TMEM51: variants seen among roughly 807,000 people sequenced by gnomAD.
TMEM51 encodes the protein chromosome 1 open reading frame 72.
A neutral mutation model predicts 13.6 loss-of-function variants in TMEM51; 8 were observed. The observed-to-expected ratio is 0.59, with a 90% CI of 0.35 to 1.07. TMEM51 has a LOEUF of 1.07. Ranked by LOEUF, TMEM51 falls within the 50% of genes least tolerant of loss-of-function variation. The pLI, the probability that TMEM51 is intolerant of heterozygous loss-of-function variation, is 0.02. For missense variants in TMEM51, 279 were observed against 330.7 expected, an observed-to-expected ratio of 0.84 and a Z score of 1.21; for synonymous variants, 147 against 144.4, an observed-to-expected ratio of 1.02 and a Z score of -0.13.
At chr1:15,196,972 G>A (rs564154007) in intron 1 of TMEM51, among the ~76,000 whole-genome samples, 86 of 152,238 alleles carry the variant, frequency 5.6e-4, no homozygotes, top group African/African-American at 2.1e-3. Flanking sequence ...AGCCCTCCAG[G>A]GTTCTTCAGA....
intron 1 of TMEM51, among the ~76,000 whole-genome samples, chr1:15,166,858 T>C (rs1002203656): frequency 6.6e-6 from 1 of 152,194 alleles, no homozygotes; most frequent in African/African-American, 2.4e-5. Context: ...TGTAGCAAAG[T>C]TCCATCACCC....
At chr1:15,173,676 T>TAA (rs55954313) in intron 1 of TMEM51, among the ~76,000 whole-genome samples, 456 of 145,304 alleles carry the variant, frequency 3.1e-3, no homozygotes, top group Middle Eastern at 0.011. Flanking sequence ...AAACTCCATC[T>TAA]AAAAAAAAAA....
intron 1 of TMEM51, among the ~76,000 whole-genome samples, chr1:15,169,683 C>T (rs1643168494): frequency 6.6e-6 from 1 of 152,138 alleles, no homozygotes; most frequent in Non-Finnish European, 1.5e-5. Flanking sequence ...CCTATGGTTT[C>T]TACAAGGTTA....
rs1304820156 is a variant in TMEM51, at chr1:15,209,349, G to A, written c.-266-1141G>A. ...TGAGCTCAAGCGATCCTCCCACCTT[G>A]GCCTCCCAAAGTGCTGGCATTACAG... On this transcript the variant is annotated intron_variant, in intron 1 of 3. Transcript: ENST00000376008. 2.6e-5 allele frequency among the ~76,000 whole-genome samples: 4 copies of A among 151,840 alleles called. No homozygotes were observed. In the East Asian group the frequency reaches 7.7e-4, roughly 29 times the overall value.
chr1:15,186,766 T>C (rs531412698), intron 1 of TMEM51, among the ~76,000 whole-genome samples: 4 of 152,142 alleles, frequency 2.6e-5, no homozygotes, highest in Non-Finnish European at 5.9e-5. Context: ...ATGGTCACAT[T>C]TGCCTTTTGG....
chr1:15,191,740 G>T, intron 1 of TMEM51: 3 of 258,768 alleles, frequency 1.2e-5, no homozygotes, highest in South Asian at 3.0e-5. Context: ...CTTCTCTGGG[G>T]AGAAATTTTT....
intron 1 of TMEM51, among the ~76,000 whole-genome samples, chr1:15,162,024 CAT>C (rs1413910183): frequency 1.3e-5 from 2 of 149,756 alleles, no homozygotes; most frequent in East Asian, 4.0e-4. Context: ...CAGCAGGCGT[CAT>C]GTGGTGAGAG....
At chr1:15,199,776 C>T (rs1644118597) in intron 1 of TMEM51, among the ~76,000 whole-genome samples, 1 of 152,146 alleles carries the variant, frequency 6.6e-6, no homozygotes, top group Non-Finnish European at 1.5e-5. Context: ...ATAACACGCT[C>T]ACCCCTCAAC....
intron 1 of TMEM51, among the ~76,000 whole-genome samples, chr1:15,209,631 A>G (rs1644304862): frequency 6.6e-6 from 1 of 152,218 alleles, no homozygotes; most frequent in African/African-American, 2.4e-5. Context: ...GTAATACTCC[A>G]CAGAGTGACA....
intron 1 of TMEM51, chr1:15,171,156 G>A: frequency 7.7e-7 from 1 of 1,301,660 alleles, no homozygotes; most frequent in Non-Finnish European, 1.0e-6. Flanking sequence ...GGTCTGAGTG[G>A]GGCCCCAGGA....
intron 1 of TMEM51, among the ~76,000 whole-genome samples, chr1:15,189,177 T>C (rs1643870654): frequency 6.7e-6 from 1 of 149,740 alleles, no homozygotes. Flanking sequence ...GCAACTGGGA[T>C]TACACGCACC....
intron 1 of TMEM51, among the ~76,000 whole-genome samples, chr1:15,163,291 C>T (rs1244850226): frequency 6.6e-6 from 1 of 151,988 alleles, no homozygotes; most frequent in East Asian, 1.9e-4. Flanking sequence ...AAATCTTTGC[C>T]CCTTCCCTAT....
intron 1 of TMEM51, among the ~76,000 whole-genome samples, chr1:15,206,621 G>C (rs1039284572): frequency 6.6e-6 from 1 of 152,222 alleles, no homozygotes; most frequent in African/African-American, 2.4e-5. Context: ...ATCATTCCTT[G>C]AAGGGTGGCC....
intron 1 of TMEM51, among the ~76,000 whole-genome samples, chr1:15,169,235 A>G (rs1270244102): frequency 1.3e-5 from 2 of 152,210 alleles, no homozygotes; most frequent in African/African-American, 2.4e-5. Context: ...GTGAGAAACA[A>G]TAGTACTGGC....
intron 1 of TMEM51, among the ~76,000 whole-genome samples, chr1:15,196,792 GAC>G (rs1260641966): frequency 6.6e-6 from 1 of 152,188 alleles, no homozygotes; most frequent in Non-Finnish European, 1.5e-5. Context: ...AAACAACAGT[GAC>G]AACATAATTT....
chr1:15,188,051 A>T (rs528607942), intron 1 of TMEM51, among the ~76,000 whole-genome samples: 21 of 152,308 alleles, frequency 1.4e-4, no homozygotes, highest in Admixed American at 1.3e-3. Context: ...TATTTCATTT[A>T]AAAAAATTTA....
At position 15,215,302 on chromosome 1, in the gene TMEM51, C is replaced by T; in HGVS notation, c.215C>T (p.Ala72Val). The T allele has an allele frequency of 1.2e-6, 2 of 1,614,178 alleles. No homozygotes were observed. The highest frequency in any genetic ancestry group is 1.7e-6 in the Non-Finnish European group (2 of 1,180,034). The change falls in exon 3 of 4, where the codon GCC (alanine) becomes GTC (valine). Residue 72 changes from alanine to valine, a missense_variant. Coordinates refer to ENST00000376008, the MANE Select transcript of TMEM51 (RefSeq NM_001136218.2). Reference protein sequence around the residue: ...TFSVAYVLVGAGVMLLLLSIC... With the variant: ...TFSVAYVLVGVGVMLLLLSIC... ...TCTGTGGCCTACGTGCTGGTCGGGG[C>T]CGGGGTGATGCTGCTGCTGCTTTCT...
At chr1:15,197,830 C>T (rs996040448) in intron 1 of TMEM51, among the ~76,000 whole-genome samples, 2 of 151,996 alleles carry the variant, frequency 1.3e-5, no homozygotes. Context: ...GTCACCAGGG[C>T]CCTCCAGCTC....
chr1:15,160,712 T>C (rs573475647), intron 1 of TMEM51, among the ~76,000 whole-genome samples: 34 of 152,066 alleles, frequency 2.2e-4, no homozygotes, highest in Non-Finnish European at 4.3e-4. Flanking sequence ...GGGTAATTAT[T>C]GTTTTCAAAC....
Sources: gnomAD v4.1 joint callset for allele counts (sites outside exome capture counted in the v4.1 genomes callset) on GRCh38, gnomAD v4.1.1 for gene constraint, MANE v1.5 for transcripts, NCBI Gene and HGNC (gene_info 2026-07-23, HGNC 2026-07-21) for gene names.